The following OPCML variants were observed in gnomAD, a reference collection of about 807,000 sequenced individuals.
OPCML encodes opioid binding protein/cell adhesion molecule like.
In OPCML, 13 loss-of-function variants were observed where a neutral mutation model predicts 37.8. The observed-to-expected ratio is 0.34, with a 90% CI of 0.22 to 0.55. OPCML has a LOEUF of 0.55. Ranked by LOEUF, OPCML falls within the 20% of genes least tolerant of loss-of-function variation. OPCML has a pLI of 0.91. For synonymous variants in OPCML, 176 were observed against 168.8 expected, an observed-to-expected ratio of 1.04 and a Z score of -0.33; for missense variants, 341 against 435.6, an observed-to-expected ratio of 0.78 and a Z score of 1.93.
At chr11:133,093,511 G>T (rs113647326) in intron 1 of OPCML, among the ~76,000 whole-genome samples, 2,932 of 152,234 alleles carry the variant, frequency 0.019, 76 homozygotes, top group African/African-American at 0.06. Flanking sequence ...CAGCACAAAC[G>T]TAGGTAATTT....
At chr11:133,042,320 A>T (rs1457021281) in intron 1 of OPCML, among the ~76,000 whole-genome samples, 1 of 152,216 alleles carries the variant, frequency 6.6e-6, no homozygotes, top group African/African-American at 2.4e-5. Flanking sequence ...CGGAGTGAAG[A>T]AAAAGCAAAT....
intron 3 of OPCML, among the ~76,000 whole-genome samples, chr11:132,647,377 A>T (rs1283974090): frequency 1.3e-5 from 2 of 152,200 alleles, no homozygotes; most frequent in African/African-American, 4.8e-5. Context: ...ACTCTTGAAT[A>T]ATATAAGGGC....
At chr11:132,537,150 G>T (rs2137341348) in intron 3 of OPCML, among the ~76,000 whole-genome samples, 1 of 152,270 alleles carries the variant, frequency 6.6e-6, no homozygotes, top group African/African-American at 2.4e-5. Context: ...TTGAAGCCTA[G>T]CATTAAGTGC....
At chr11:132,544,500 C>G (rs1019792937) in intron 3 of OPCML, among the ~76,000 whole-genome samples, 5 of 152,130 alleles carry the variant, frequency 3.3e-5, no homozygotes, top group African/African-American at 1.2e-4. Flanking sequence ...AATTATTGGG[C>G]AAATCTTTTT....
chr11:132,598,938 T>A (rs542286745), intron 3 of OPCML, among the ~76,000 whole-genome samples: 1 of 152,182 alleles, frequency 6.6e-6, no homozygotes, highest in Non-Finnish European at 1.5e-5. Context: ...GGAAGAGGCT[T>A]TACTAGTTCC....
intron 2 of OPCML, among the ~76,000 whole-genome samples, chr11:132,909,678 C>T (rs902324922): frequency 1.8e-4 from 27 of 152,318 alleles, no homozygotes; most frequent in African/African-American, 5.8e-4. Flanking sequence ...ACATCAGTGT[C>T]GGCTGATGTC....
chr11:132,488,373 A>G (rs2096206396), intron 4 of OPCML, among the ~76,000 whole-genome samples: 1 of 152,234 alleles, frequency 6.6e-6, no homozygotes, highest in African/African-American at 2.4e-5. Context: ...TAGATGGTAC[A>G]GCCTACTATA....
At chr11:132,977,254 T>C (rs1260122570) in intron 1 of OPCML, among the ~76,000 whole-genome samples, 1 of 152,214 alleles carries the variant, frequency 6.6e-6, no homozygotes, top group East Asian at 1.9e-4. Flanking sequence ...AAACACTTAT[T>C]CAAAATAGGA....
In OPCML at chr11:132,420,117, G is replaced by A. The variant is rs538376581; in HGVS notation, c.*76C>T. On this transcript the variant is annotated 3_prime_UTR_variant, in exon 8 of 8. Transcript: ENST00000524381. ...AAAAAACAAAAAGAAGCCCAAGCTGGTTTGCTCTCCGCAGTGTAGATTAAA... is the reference window on the plus strand; with the variant it reads ...AAAAAACAAAAAGAAGCCCAAGCTGATTTGCTCTCCGCAGTGTAGATTAAA... 2 of 1,177,716 alleles carry A rather than the reference G, an allele frequency of 1.7e-6. No individual in the cohort carries two copies. Among genetic ancestry groups the A allele is most frequent in the South Asian group, 3.0e-5 (2 of 66,074 alleles). 73.0% of individuals were successfully genotyped at this position (1,177,716 alleles called of 1,614,324 possible).
chr11:133,089,193 A>T (rs1160198763), intron 1 of OPCML, among the ~76,000 whole-genome samples: 1 of 152,226 alleles, frequency 6.6e-6, no homozygotes, highest in Non-Finnish European at 1.5e-5. Flanking sequence ...TTCAGATCAT[A>T]GCTACTATGT....
At chr11:133,172,747 G>A (rs1950304761) in intron 1 of OPCML, among the ~76,000 whole-genome samples, 1 of 152,084 alleles carries the variant, frequency 6.6e-6, no homozygotes, top group African/African-American at 2.4e-5. Flanking sequence ...AATTAATGAT[G>A]TCCAAAAAAC....
intron 1 of OPCML, among the ~76,000 whole-genome samples, chr11:133,084,560 A>G (rs538247912): frequency 6.6e-6 from 1 of 152,306 alleles, no homozygotes; most frequent in South Asian, 2.1e-4. Context: ...ATTGAAGGAT[A>G]TTCGGCTTGG....
chr11:132,833,667 A>G (rs762207515), intron 2 of OPCML, among the ~76,000 whole-genome samples: 2 of 152,246 alleles, frequency 1.3e-5, no homozygotes, highest in Middle Eastern at 3.2e-3. Flanking sequence ...ATTTGTTTAC[A>G]CCAGCATCAC....
chr11:132,673,290 CATG>C (rs959478534), intron 2 of OPCML, among the ~76,000 whole-genome samples: 2 of 151,776 alleles, frequency 1.3e-5, no homozygotes, highest in African/African-American at 2.4e-5. Flanking sequence ...ACATAAAATG[CATG>C]ATGATGATGA....
At chr11:133,109,751 G>T (rs891722351) in intron 1 of OPCML, among the ~76,000 whole-genome samples, 1 of 152,158 alleles carries the variant, frequency 6.6e-6, no homozygotes, top group African/African-American at 2.4e-5. Flanking sequence ...CCATGATTTT[G>T]CCCTGTCAGG....
At chr11:133,338,102 C>G (rs185095199) in intron 1 of OPCML, among the ~76,000 whole-genome samples, 2 of 152,232 alleles carry the variant, frequency 1.3e-5, no homozygotes, top group Admixed American at 1.3e-4. Context: ...ATCAGCTTAG[C>G]TCCTGTTTCT....
intron 1 of OPCML, among the ~76,000 whole-genome samples, chr11:132,985,256 C>T (rs1212225520): frequency 1.3e-5 from 2 of 152,158 alleles, no homozygotes; most frequent in Non-Finnish European, 2.9e-5. Context: ...AGGACATCAC[C>T]AGGCCAAAAT....
intron 2 of OPCML, among the ~76,000 whole-genome samples, chr11:132,739,157 T>C (rs555654495): frequency 6.6e-6 from 1 of 152,350 alleles, no homozygotes; most frequent in Admixed American, 6.5e-5. Flanking sequence ...CATATTTATC[T>C]CCTCACAGTT....
At chr11:132,757,973 G>T (rs117231444) in intron 2 of OPCML, among the ~76,000 whole-genome samples, 1,608 of 152,206 alleles carry the variant, frequency 0.011, 14 homozygotes, top group Middle Eastern at 0.031. Context: ...GTTAATCTTT[G>T]TATAAGGTAT....
Sources: gnomAD v4.1 joint callset for allele counts (sites outside exome capture counted in the v4.1 genomes callset) on GRCh38, gnomAD v4.1.1 for gene constraint, MANE v1.5 for transcripts, NCBI Gene and HGNC (gene_info 2026-07-23, HGNC 2026-07-21) for gene names.